The following GLRA1 variants were observed in gnomAD, a reference collection of about 807,000 sequenced individuals.
GLRA1 encodes glycine receptor alpha 1, also known as glycine receptor subunit alpha-1.
GLRA1 carries 37 observed loss-of-function variants against 48.3 expected under a neutral mutation model. That is an observed-to-expected ratio of 0.77 (90% CI 0.59 to 1.01). The LOEUF is 1.01. GLRA1 is among the 50% of genes least tolerant of loss of function. The pLI is 0.00. For synonymous variants in GLRA1, 196 were observed against 210.7 expected, an observed-to-expected ratio of 0.93 and a Z score of 0.60; for missense variants, 427 against 571.0, an observed-to-expected ratio of 0.75 and a Z score of 2.57.
At chr5:151,858,169 C>CA (rs1444845621) in intron 4 of GLRA1, among the ~76,000 whole-genome samples, 2 of 152,150 alleles carry the variant, frequency 1.3e-5, no homozygotes, top group Non-Finnish European at 2.9e-5. Context: ...TTCCTTCCTC[C>CA]AGCTCACACC....
intron 2 of GLRA1, among the ~76,000 whole-genome samples, 181 bp downstream of exon 2, chr5:151,892,130 A>C (rs947779400): frequency 6.6e-6 from 1 of 152,176 alleles, no homozygotes; most frequent in East Asian, 1.9e-4. Flanking sequence ...GCATCCTCTG[A>C]GGCTTTGTCT....
intron 3 of GLRA1, among the ~76,000 whole-genome samples, chr5:151,884,452 A>AC (rs1554085717): frequency 1.4e-3 from 211 of 151,034 alleles, no homozygotes; most frequent in East Asian, 2.7e-3. Context: ...ACAAAACAAA[A>AC]AAACCCATTT....
At chr5:151,895,351 A>G (rs972623150) in intron 1 of GLRA1, among the ~76,000 whole-genome samples, 2 of 152,096 alleles carry the variant, frequency 1.3e-5, no homozygotes, top group Non-Finnish European at 2.9e-5. Flanking sequence ...TGTATATTGC[A>G]TGTGTTTGTT....
intron 1 of GLRA1, among the ~76,000 whole-genome samples, chr5:151,898,566 C>T (rs1754280686): frequency 6.6e-6 from 1 of 152,060 alleles, no homozygotes; most frequent in South Asian, 2.1e-4. Flanking sequence ...CAGTCAATTC[C>T]CTCTCCAGTT....
intron 1 of GLRA1, among the ~76,000 whole-genome samples, chr5:151,893,285 TTTC>T (rs1754133566): frequency 6.7e-5 from 3 of 44,974 alleles, no homozygotes; most frequent in East Asian, 5.0e-4. Flanking sequence ...TCTGCCCAAC[TTTC>T]TTTCTTTCTT....
chr5:151,882,769 GTAAACACACAAATAATTAAGT>G (rs1041036953), intron 3 of GLRA1, among the ~76,000 whole-genome samples: 1 of 148,814 alleles, frequency 6.7e-6, no homozygotes, highest in African/African-American at 2.5e-5. Context: ...TATATCATCT[GTAAACACACAAATAATTAAGT>G]TAAACACACA....
intron 3 of GLRA1, among the ~76,000 whole-genome samples, chr5:151,873,386 C>T (rs970286009): frequency 4.7e-5 from 7 of 149,554 alleles, no homozygotes; most frequent in Admixed American, 3.3e-4. Context: ...TACAGCCAGG[C>T]GCGGTGGCTC....
chr5:151,850,128 A>C (rs750859676), intron 7 of GLRA1: 1 of 1,604,232 alleles, frequency 6.2e-7, no homozygotes, highest in Non-Finnish European at 8.5e-7. Flanking sequence ...TTGGCCTTCC[A>C]ATGGCTTCCC....
At chr5:151,881,236 G>A (rs995404961) in intron 3 of GLRA1, among the ~76,000 whole-genome samples, 3 of 152,052 alleles carry the variant, frequency 2.0e-5, no homozygotes, top group Non-Finnish European at 4.4e-5. Flanking sequence ...CTGAGTTTTA[G>A]CTCTTTGTAG....
intron 7 of GLRA1, among the ~76,000 whole-genome samples, chr5:151,841,990 G>T (rs546890673): frequency 6.6e-5 from 10 of 151,466 alleles, no homozygotes; most frequent in Admixed American, 5.9e-4. Flanking sequence ...CCAGGAGTTG[G>T]AGGTTGCCGT....
At chr5:151,883,066 T>G (rs1240888838) in intron 3 of GLRA1, among the ~76,000 whole-genome samples, 2 of 152,194 alleles carry the variant, frequency 1.3e-5, no homozygotes, top group Non-Finnish European at 2.9e-5. Flanking sequence ...TACTATATTA[T>G]GAAATATGCC....
intron 6 of GLRA1, among the ~76,000 whole-genome samples, chr5:151,853,412 A>ATTTT (rs57264480): frequency 2.1e-5 from 3 of 140,906 alleles, no homozygotes; most frequent in Non-Finnish European, 1.5e-5. Flanking sequence ...TGCCCAACTA[A>ATTTT]TTTTTTTTTT....
At chr5:151,851,241 ACCTGCAAAGATCTGCAGGAT>A (rs1230633544) in intron 7 of GLRA1, 129 bp downstream of exon 7, 4 of 662,010 alleles carry the variant, frequency 6.0e-6, no homozygotes, top group African/African-American at 1.8e-5. Context: ...AAAGTGTAGA[ACCTGCAAAGATCTGCAGGAT>A]CCTGCAAAGT....
intron 3 of GLRA1, among the ~76,000 whole-genome samples, chr5:151,863,631 T>G (rs752803600): frequency 1.1e-4 from 17 of 152,170 alleles, no homozygotes; most frequent in Non-Finnish European, 2.2e-4. Flanking sequence ...CAACTTTAAA[T>G]GCTTTCCTCC....
intron 7 of GLRA1, among the ~76,000 whole-genome samples, chr5:151,829,796 C>T (rs529807594): frequency 6.6e-6 from 1 of 152,098 alleles, no homozygotes; most frequent in Non-Finnish European, 1.5e-5. Context: ...ACCACTAATC[C>T]ATATTTTATA....
chr5:151,901,023 G>A (rs992791867), intron 1 of GLRA1, among the ~76,000 whole-genome samples: 48 of 152,298 alleles, frequency 3.2e-4, no homozygotes, highest in Non-Finnish European at 1.5e-4. Context: ...AGTCCAAAGA[G>A]TCCTAAACTC....
At chr5:151,856,923 A>G (rs1174474008) in intron 4 of GLRA1, among the ~76,000 whole-genome samples, 1 of 152,274 alleles carries the variant, frequency 6.6e-6, no homozygotes, top group Non-Finnish European at 1.5e-5. Context: ...AGGATAAAAA[A>G]TCCACAAGGA....
At position 151,822,716 on chromosome 5, in the gene GLRA1, A is replaced by T; in HGVS notation, c.1307T>A (p.Ile436Asn). The change falls in exon 9 of 9, where the codon ATC becomes AAC. Residue 436 changes from isoleucine (I) to asparagine (N), a missense_variant. This residue lies in a region of GLRA1 where 121 missense variants were observed against 96.5 expected (regional missense o/e 1.25). Coordinates refer to ENST00000274576, the MANE Select transcript of GLRA1 (RefSeq NM_000171.4). ...CTCTCTACGGACAATCTTGTAGATG[A>T]TCCAGTAGAACATGTTGAAAATGAG... is the stretch of plus-strand genomic sequence containing the variant. The part of the protein sequence containing the change: ...AFLIFNMFYW[I>N]IYKIVRREDV... 1 of 1,613,810 alleles carries T rather than the reference A, an allele frequency of 6.2e-7. No individual in the cohort carries two copies. The highest frequency in any genetic ancestry group is 8.5e-7 in the Non-Finnish European group (1 of 1,179,746).
chr5:151,878,196 G>A (rs1276240297), intron 3 of GLRA1, among the ~76,000 whole-genome samples: 1 of 152,190 alleles, frequency 6.6e-6, no homozygotes, highest in Non-Finnish European at 1.5e-5. Context: ...GAGCAAAGGT[G>A]ACGCTTGTTA....
Sources: allele counts gnomAD v4.1 joint callset (sites outside exome capture counted in the v4.1 genomes callset), GRCh38; gene constraint gnomAD v4.1.1; regional missense constraint gnomAD v4.1.1; transcripts MANE v1.5; gene names NCBI Gene and HGNC (gene_info 2026-07-23, HGNC 2026-07-21).